Variants in NR3C2 observed in about 807,000 individuals in gnomAD.
NR3C2 encodes the protein nuclear receptor subfamily 3 group C member 2, also known as mineralocorticoid receptor.
In NR3C2, 15 loss-of-function variants were observed where a neutral mutation model predicts 86.4. The observed-to-expected ratio is 0.17, with a 90% CI of 0.12 to 0.27. The LOEUF (loss-of-function observed/expected upper bound fraction) is 0.27. Ranked by LOEUF, NR3C2 falls within the 10% of genes least tolerant of loss-of-function variation. The pLI, the probability that NR3C2 is intolerant of heterozygous loss-of-function variation, is 1.00. For synonymous variants in NR3C2, 458 were observed against 450.5 expected, an observed-to-expected ratio of 1.02 and a Z score of -0.21; for missense variants, 960 against 1,195.6, an observed-to-expected ratio of 0.80 and a Z score of 2.91.
At chr4:148,254,497 A>C (rs1034766114) in intron 3 of NR3C2, among the ~76,000 whole-genome samples, 6 of 152,208 alleles carry the variant, frequency 3.9e-5, no homozygotes, top group African/African-American at 1.4e-4. Flanking sequence ...AGGGTGGCCT[A>C]AATGTCATGG....
intron 2 of NR3C2, among the ~76,000 whole-genome samples, chr4:148,330,811 G>T (rs1267898621): frequency 2.6e-5 from 4 of 152,086 alleles, no homozygotes; most frequent in Non-Finnish European, 5.9e-5. Flanking sequence ...CTCATAAATG[G>T]CTTGGCACCA....
chr4:148,423,837 T>G (rs567606590), intron 2 of NR3C2, among the ~76,000 whole-genome samples: 20 of 152,248 alleles, frequency 1.3e-4, no homozygotes, highest in Middle Eastern at 6.8e-3. Flanking sequence ...GCCTCCCAAG[T>G]AGCTGGGATT....
Position 148,080,541 on chromosome 4 carries a change from C to T in NR3C2, c.*803G>A, listed in dbSNP as rs1730496186. ...TTTCAAAAATACTTTCCCATTCATC[C>T]TATTAACCATTAAAGATTTTTTTTG... On this transcript the variant is annotated 3_prime_UTR_variant, in exon 9 of 9. Coordinates refer to ENST00000358102, the MANE Select transcript of NR3C2 (RefSeq NM_000901.5). 6.4e-6 allele frequency: 1 copy of T among 157,434 alleles called. No individual in the cohort carries two copies. The allele number at this position is 157,434 out of a possible 1,614,324, so 9.8% of individuals were successfully genotyped here. A position where few individuals can be genotyped will look rare whatever the true frequency, so the allele number is the denominator to read the frequency against.
intron 2 of NR3C2, among the ~76,000 whole-genome samples, chr4:148,387,653 T>C (rs560891269): frequency 5.6e-4 from 86 of 152,312 alleles, no homozygotes; most frequent in African/African-American, 2.1e-3. Flanking sequence ...GATAACAATA[T>C]GTCTCCCTGT....
At chr4:148,199,803 A>T (rs1736626262) in intron 3 of NR3C2, among the ~76,000 whole-genome samples, 1 of 152,242 alleles carries the variant, frequency 6.6e-6, no homozygotes, top group African/African-American at 2.4e-5. Flanking sequence ...TCTACGGGTT[A>T]GGAGTAGGTT....
intron 4 of NR3C2, among the ~76,000 whole-genome samples, chr4:148,157,186 A>G (rs993371016): frequency 1.3e-5 from 2 of 148,590 alleles, no homozygotes; most frequent in African/African-American, 2.5e-5. Flanking sequence ...GGATAGCATT[A>G]GGAGATATAC....
intron 8 of NR3C2, among the ~76,000 whole-genome samples, chr4:148,110,319 C>T (rs1456232509): frequency 3.9e-5 from 6 of 152,032 alleles, no homozygotes; most frequent in African/African-American, 7.2e-5. Flanking sequence ...GTCCTGAGAG[C>T]GGCGTGGATG....
chr4:148,229,417 T>C (rs1353153549), intron 3 of NR3C2, among the ~76,000 whole-genome samples: 2 of 152,186 alleles, frequency 1.3e-5, no homozygotes, highest in Admixed American at 6.5e-5. Flanking sequence ...TTCCTGGTCA[T>C]GAGATCAGAA....
intron 2 of NR3C2, among the ~76,000 whole-genome samples, chr4:148,273,126 T>C (rs532169468): frequency 6.6e-5 from 10 of 152,310 alleles, no homozygotes; most frequent in Admixed American, 5.9e-4. Context: ...TTTTATTAAA[T>C]GGAAATACCT....
intron 2 of NR3C2, chr4:148,368,309 A>C (rs115156003): frequency 2.2e-4 from 33 of 151,982 alleles, no homozygotes; most frequent in African/African-American, 8.0e-4. Flanking sequence ...AAAATCCCTT[A>C]GTGTGGGAAG....
intron 2 of NR3C2, among the ~76,000 whole-genome samples, chr4:148,418,302 C>T (rs1387332158): frequency 6.6e-6 from 1 of 152,134 alleles, no homozygotes; most frequent in Middle Eastern, 3.2e-3. Context: ...AAAACTTGTG[C>T]TATTTGCTTT....
chr4:148,282,967 A>T (rs114249364), intron 2 of NR3C2, among the ~76,000 whole-genome samples: 36 of 152,306 alleles, frequency 2.4e-4, no homozygotes, highest in African/African-American at 8.7e-4. Flanking sequence ...ACAAAACACA[A>T]TGAAATCAGA....
At chr4:148,255,722 C>T (rs1366360823) in intron 3 of NR3C2, among the ~76,000 whole-genome samples, 2 of 152,146 alleles carry the variant, frequency 1.3e-5, no homozygotes, top group South Asian at 2.1e-4. Flanking sequence ...AAATAGTGTG[C>T]TGAATCTAGT....
intron 1 of NR3C2, among the ~76,000 whole-genome samples, 160 bp downstream of exon 1, chr4:148,442,000 G>A (rs1750365935): frequency 6.6e-6 from 1 of 152,220 alleles, no homozygotes; most frequent in African/African-American, 2.4e-5. Context: ...GGCCAAAGGG[G>A]GAGAAAAGTG....
chr4:148,330,389 T>G (rs1744170660), intron 2 of NR3C2, among the ~76,000 whole-genome samples: 1 of 152,142 alleles, frequency 6.6e-6, no homozygotes, highest in African/African-American at 2.4e-5. Context: ...CCAGCTCTAT[T>G]TTATCGATTT....
intron 2 of NR3C2, among the ~76,000 whole-genome samples, chr4:148,320,168 C>T (rs1229539917): frequency 1.1e-5 from 1 of 87,762 alleles, no homozygotes; most frequent in African/African-American, 5.3e-5. Flanking sequence ...TGTTCATATG[C>T]TGGATTACAT....
chr4:148,164,895 T>G (rs1734813209), intron 4 of NR3C2, among the ~76,000 whole-genome samples: 2 of 152,194 alleles, frequency 1.3e-5, no homozygotes, highest in Non-Finnish European at 2.9e-5. Context: ...TGATCTTCAC[T>G]AGGCTTGGGC....
At chr4:148,215,952 TTG>T (rs949535466) in intron 3 of NR3C2, among the ~76,000 whole-genome samples, 24 of 151,716 alleles carry the variant, frequency 1.6e-4, no homozygotes, top group African/African-American at 4.8e-4. Context: ...GCTATTTTTT[TTG>T]TGTGTGTGTG....
chr4:148,410,358 A>C (rs1051701896), intron 2 of NR3C2, among the ~76,000 whole-genome samples: 1 of 152,224 alleles, frequency 6.6e-6, no homozygotes. Context: ...CAAGTGATTA[A>C]AATGAGGCAA....
Sources: allele counts gnomAD v4.1 joint callset (sites outside exome capture counted in the v4.1 genomes callset), GRCh38; gene constraint gnomAD v4.1.1; transcripts MANE v1.5; gene names NCBI Gene and HGNC (gene_info 2026-07-23, HGNC 2026-07-21).